EYA4: variants seen among roughly 807,000 people sequenced by gnomAD.
The protein encoded by EYA4 is protein phosphatase EYA4.
In EYA4, 31 loss-of-function variants were observed where a neutral mutation model predicts 87.9. That is an observed-to-expected ratio of 0.35 (90% CI 0.27 to 0.48). The LOEUF is 0.48. EYA4 is among the 20% of genes least tolerant of loss of function. EYA4 has a pLI of 0.99. For synonymous variants in EYA4, 263 were observed against 270.6 expected (o/e 0.97, Z 0.28); for missense variants, 678 against 761.4 (o/e 0.89, Z 1.29).
chr6:133,486,372 A>AG (rs144360069), intron 13 of EYA4, among the ~76,000 whole-genome samples: 9,436 of 151,974 alleles, frequency 0.062, 950 homozygotes, highest in African/African-American at 0.21. Context: ...CAGACACCTC[A>AG]GGGTTCACGG....
At chr6:133,262,857 G>A (rs1198819499) in intron 1 of EYA4, among the ~76,000 whole-genome samples, 1 of 152,224 alleles carries the variant, frequency 6.6e-6, no homozygotes, top group African/African-American at 2.4e-5. Context: ...GGAGCTTGAA[G>A]TCAGGCAAGG....
chr6:133,374,506 G>A (rs1315555791), intron 2 of EYA4, among the ~76,000 whole-genome samples: 2 of 151,946 alleles, frequency 1.3e-5, no homozygotes, highest in African/African-American at 4.8e-5. Context: ...TTCTTAATAG[G>A]TATGTTATTT....
At chr6:133,268,239 A>G (rs1776385699) in intron 1 of EYA4, among the ~76,000 whole-genome samples, 1 of 152,116 alleles carries the variant, frequency 6.6e-6, no homozygotes, top group African/African-American at 2.4e-5. Context: ...ATATAGTCAC[A>G]TTTATTTACT....
intron 2 of EYA4, among the ~76,000 whole-genome samples, chr6:133,374,339 C>T (rs1785502730): frequency 6.6e-6 from 1 of 151,910 alleles, no homozygotes. Flanking sequence ...TTTGTCTAAC[C>T]TCCCTCCCCC....
At position 133,531,186 on chromosome 6, in the gene EYA4, T is replaced by C. The variant is rs1261122884; in HGVS notation, c.*2381T>C. On this transcript the variant is annotated 3_prime_UTR_variant, in exon 20 of 20. Coordinates refer to ENST00000355286, the MANE Select transcript of EYA4 (RefSeq NM_004100.5). ...CCCCGTGCAGTTTCTCACACACATC[T>C]CTTTTTCTGATTCTGTGTTCAGAAG... 1.3e-6 allele frequency: 2 copies of C among 1,535,148 alleles called. No homozygotes were observed. Among genetic ancestry groups the C allele is most frequent in the Non-Finnish European group, 1.7e-6 (2 of 1,146,776 alleles).
At chr6:133,263,919 A>G (rs553599239) in intron 1 of EYA4, among the ~76,000 whole-genome samples, 2 of 152,248 alleles carry the variant, frequency 1.3e-5, no homozygotes, top group South Asian at 2.1e-4. Context: ...AGGTCTGCAC[A>G]TGGACTGGAA....
At chr6:133,240,743 C>T (rs1428443312), upstream of EYA4, 1 of 152,350 alleles carries the variant, frequency 6.6e-6, no homozygotes, top group Non-Finnish European at 1.5e-5. Context: ...AAGGGTATTT[C>T]CTCCCGTCAG....
chr6:133,463,049 C>T (rs1163056714), intron 9 of EYA4, among the ~76,000 whole-genome samples: 1 of 152,170 alleles, frequency 6.6e-6, no homozygotes, highest in African/African-American at 2.4e-5. Context: ...AGGTCAGCCA[C>T]ACATTTGGCG....
intron 11 of EYA4, among the ~76,000 whole-genome samples, chr6:133,476,173 T>C (rs1795710309): frequency 6.6e-6 from 1 of 152,082 alleles, no homozygotes; most frequent in Non-Finnish European, 1.5e-5. Context: ...TAACCCATTG[T>C]TTTGAAATAC....
intron 1 of EYA4, among the ~76,000 whole-genome samples, chr6:133,260,577 C>T (rs528101176): frequency 1.3e-4 from 20 of 152,258 alleles, no homozygotes; most frequent in Non-Finnish European, 2.2e-4. Flanking sequence ...TCTTAGAACC[C>T]TTTGTACTCT....
At chr6:133,495,429 TATAA>T (rs1474847166) in intron 13 of EYA4, among the ~76,000 whole-genome samples, 6 of 148,622 alleles carry the variant, frequency 4.0e-5, no homozygotes, top group Admixed American at 2.0e-4. Flanking sequence ...TTCATTTATT[TATAA>T]ATAAATATAA....
In EYA4 at chr6:133,365,255, G is replaced by A. The variant is rs538888206; in HGVS notation, c.34-17137G>A. On this transcript the variant is annotated intron_variant, in intron 2 of 19. Transcript: ENST00000355286. ...AGTCTTCTTCCTGTATTCACGAAACGGAGGCTAGCTACCATGTTAGCTTGC... is the reference window on the plus strand; with the variant it reads ...AGTCTTCTTCCTGTATTCACGAAACAGAGGCTAGCTACCATGTTAGCTTGC... Among the ~76,000 whole-genome samples, 544 of 152,214 alleles carry A rather than the reference G, an allele frequency of 3.6e-3. 5 individuals are homozygous for A. Among genetic ancestry groups the A allele is most frequent in the African/African-American group, 0.012 (497 of 41,532 alleles).
At chr6:133,243,546 C>CAGTTGAG (rs397841204) in intron 1 of EYA4, among the ~76,000 whole-genome samples, 4 of 151,622 alleles carry the variant, frequency 2.6e-5, no homozygotes, top group African/African-American at 7.3e-5. Context: ...TGAAAGTTGA[C>CAGTTGAG]GATGGTTTTT....
At chr6:133,365,995 A>G (rs1357844085) in intron 2 of EYA4, among the ~76,000 whole-genome samples, 1 of 152,242 alleles carries the variant, frequency 6.6e-6, no homozygotes, top group East Asian at 1.9e-4. Context: ...TGATAAATGG[A>G]TGCCAAATAG....
intron 2 of EYA4, among the ~76,000 whole-genome samples, chr6:133,333,929 A>G: frequency 6.6e-6 from 1 of 152,126 alleles, no homozygotes; most frequent in East Asian, 1.9e-4. Context: ...AGGGTAAGGA[A>G]CTTTACTGGT....
At chr6:133,458,619 A>G (rs1226033604) in intron 6 of EYA4, among the ~76,000 whole-genome samples, 4 of 152,128 alleles carry the variant, frequency 2.6e-5, no homozygotes, top group Non-Finnish European at 4.4e-5. Context: ...GAATGCCAGC[A>G]GCACTCCCCC....
intron 10 of EYA4, among the ~76,000 whole-genome samples, chr6:133,466,858 C>T (rs894347392): frequency 6.6e-6 from 1 of 151,604 alleles, no homozygotes; most frequent in Admixed American, 6.6e-5. Context: ...GGGGCCTGCT[C>T]ACGTAAGGCC....
At chr6:133,422,386 C>A (rs1446075523) in intron 3 of EYA4, among the ~76,000 whole-genome samples, 1 of 152,098 alleles carries the variant, frequency 6.6e-6, no homozygotes, top group Non-Finnish European at 1.5e-5. Flanking sequence ...ATGCATAATG[C>A]TGTGACATTT....
At position 133,310,523 on chromosome 6, in the gene EYA4, G is replaced by C. The variant is rs1455481143; in HGVS notation, c.33+35710G>C. Among the ~76,000 whole-genome samples, 3 of 152,140 alleles carry C rather than the reference G, an allele frequency of 2.0e-5. No homozygotes were observed. The East Asian group carries it at 5.8e-4, about 29-fold the overall frequency. ...GTGAATTATTAATTGCCATTGTAAAGAAAAATGTATCATATAACTGACATG... is the reference window on the plus strand; with the variant it reads ...GTGAATTATTAATTGCCATTGTAAACAAAAATGTATCATATAACTGACATG... On this transcript the variant is annotated intron_variant, in intron 2 of 19. Transcript: ENST00000355286.
Sources: gnomAD v4.1 joint callset for allele counts (sites outside exome capture counted in the v4.1 genomes callset) on GRCh38, gnomAD v4.1.1 for gene constraint, MANE v1.5 for transcripts, NCBI Gene and HGNC (gene_info 2026-07-23, HGNC 2026-07-21) for gene names.